PTPRD: variants seen among roughly 807,000 people sequenced by gnomAD.
PTPRD encodes the protein protein tyrosine phosphatase receptor type D, also known as receptor-type tyrosine-protein phosphatase delta.
PTPRD carries 34 observed loss-of-function variants against 214.5 expected under a neutral mutation model. The observed-to-expected ratio is 0.16, with a 90% CI of 0.12 to 0.21. The LOEUF (loss-of-function observed/expected upper bound fraction) is 0.21. Ranked by LOEUF, PTPRD falls within the 10% of genes least tolerant of loss-of-function variation. The pLI is 1.00. For synonymous variants in PTPRD, 1,128 were observed against 845.7 expected (o/e 1.33, Z -5.79); for missense variants, 2,545 against 2,398.7 (o/e 1.06, Z -1.27).
intron 5 of PTPRD, among the ~76,000 whole-genome samples, chr9:9,917,611 G>T (rs1045721758): frequency 1.3e-5 from 2 of 151,838 alleles, no homozygotes; most frequent in Non-Finnish European, 2.9e-5. Flanking sequence ...ACCATAATAT[G>T]AAAAGCAGAC....
intron 11 of PTPRD, among the ~76,000 whole-genome samples, chr9:8,990,938 G>C (rs573489349): frequency 6.6e-6 from 1 of 152,184 alleles, no homozygotes; most frequent in African/African-American, 2.4e-5. Context: ...TGATAGGCCA[G>C]GCACAGTGGC....
rs962741987 is a variant in PTPRD, at chr9:10,090,550, A to ATTTT, written c.-544-56764_-544-56761dup. Among the ~76,000 whole-genome samples, 5 of 150,936 alleles carry ATTTT rather than the reference A, an allele frequency of 3.3e-5. No individual in the cohort carries two copies. The South Asian group carries it at 1.0e-3, about 31-fold the overall frequency. Reference sequence around the variant, plus strand: ...AGTCAAATATTTTCATTTGATACATATTTTTAATGTATTTTAATGTATTTT... The same window carrying ATTTT: ...AGTCAAATATTTTCATTTGATACATATTTTTTTTTAATGTATTTTAATGTATTTT... On this transcript the variant is annotated intron_variant, in intron 3 of 45. Coordinates refer to ENST00000381196, the MANE Select transcript of PTPRD (RefSeq NM_002839.4).
In PTPRD at chr9:9,807,107, T is replaced by C. The variant is rs535005284; in HGVS notation, c.-367-40256A>G. ...TCTTTTTGTTTCTGCTCTAAAATCT[T>C]TTAATAAACTTTCACTCCCGCTGCA... is the stretch of plus-strand genomic sequence containing the variant. On this transcript the variant is annotated intron_variant, in intron 5 of 45. Coordinates refer to ENST00000381196, the MANE Select transcript of PTPRD (RefSeq NM_002839.4). Among the ~76,000 whole-genome samples the C allele has an allele frequency of 6.6e-5, 10 of 152,270 alleles. No homozygotes were observed. In the South Asian group the frequency reaches 1.9e-3, roughly 28 times the overall value.
chr9:9,533,340 A>G (rs1354686193), intron 8 of PTPRD, among the ~76,000 whole-genome samples: 1 of 152,062 alleles, frequency 6.6e-6, no homozygotes, highest in African/African-American at 2.4e-5. Context: ...TTCATTGTCA[A>G]ACAATATGCC....
intron 12 of PTPRD, among the ~76,000 whole-genome samples, chr9:8,682,809 A>C (rs1431835911): frequency 6.6e-6 from 1 of 152,214 alleles, no homozygotes. Flanking sequence ...TATAAAACAG[A>C]TATTCACTAT....
intron 37 of PTPRD, among the ~76,000 whole-genome samples, chr9:8,385,191 T>C (rs1372145144): frequency 1.3e-5 from 2 of 152,138 alleles, no homozygotes; most frequent in African/African-American, 4.8e-5. Context: ...AAGGTATTAA[T>C]ACAAGCGCTG....
chr9:9,942,813 T>C (rs2091828241), intron 4 of PTPRD, among the ~76,000 whole-genome samples: 1 of 152,174 alleles, frequency 6.6e-6, no homozygotes, highest in South Asian at 2.1e-4. Context: ...CAAGTTGCAA[T>C]TTATAACATT....
intron 2 of PTPRD, among the ~76,000 whole-genome samples, chr9:10,554,903 G>A (rs181718934): frequency 2.0e-5 from 3 of 152,156 alleles, no homozygotes; most frequent in Admixed American, 6.5e-5. Flanking sequence ...CTCGTGATCC[G>A]CCCACCTGGG....
intron 9 of PTPRD, among the ~76,000 whole-genome samples, chr9:9,254,294 T>C (rs533485268): frequency 3.3e-5 from 5 of 152,078 alleles, no homozygotes; most frequent in African/African-American, 4.8e-5. Context: ...AGTCTATATA[T>C]TTTCTATTTC....
intron 2 of PTPRD, among the ~76,000 whole-genome samples, chr9:10,373,945 A>T (rs531852853): frequency 8.5e-5 from 13 of 152,182 alleles, no homozygotes; most frequent in African/African-American, 3.1e-4. Flanking sequence ...TTGAGTTCAC[A>T]TCAATCACAG....
At chr9:8,363,093 G>A (rs2078909943) in intron 39 of PTPRD, among the ~76,000 whole-genome samples, 1 of 152,152 alleles carries the variant, frequency 6.6e-6, no homozygotes, top group African/African-American at 2.4e-5. Flanking sequence ...GATTATATCT[G>A]GAGACCATTC....
intron 5 of PTPRD, among the ~76,000 whole-genome samples, chr9:9,806,998 C>A (rs1190070783): frequency 2.0e-5 from 3 of 152,110 alleles, no homozygotes; most frequent in African/African-American, 7.2e-5. Flanking sequence ...AGAACAAAGA[C>A]AATATGTAAA....
chr9:8,780,696 C>T (rs2095659924), intron 11 of PTPRD, among the ~76,000 whole-genome samples: 1 of 152,170 alleles, frequency 6.6e-6, no homozygotes, highest in South Asian at 2.1e-4. Context: ...CTCATGTGAA[C>T]ATGAATTATC....
At chr9:8,755,491 T>A in intron 11 of PTPRD, among the ~76,000 whole-genome samples, 1 of 146,886 alleles carries the variant, frequency 6.8e-6, no homozygotes. Context: ...GACACACCAC[T>A]GCACTCCAGC....
At chr9:10,384,677 C>T (rs186345970) in intron 2 of PTPRD, among the ~76,000 whole-genome samples, 1 of 150,582 alleles carries the variant, frequency 6.6e-6, no homozygotes, top group Non-Finnish European at 1.5e-5. Flanking sequence ...GAAATAAGAA[C>T]GTTTGTCAAA....
chr9:9,675,793 C>T (rs1297935209), intron 7 of PTPRD, among the ~76,000 whole-genome samples: 1 of 151,918 alleles, frequency 6.6e-6, no homozygotes, highest in Non-Finnish European at 1.5e-5. Context: ...CCAATTCATT[C>T]AGTAAAATCA....
chr9:8,779,667 T>C (rs939642974), intron 11 of PTPRD, among the ~76,000 whole-genome samples: 2 of 152,172 alleles, frequency 1.3e-5, no homozygotes, highest in Admixed American at 1.3e-4. Context: ...CATTTCAAGC[T>C]TTCCTTTTAA....
chr9:10,060,856 TCTTC>T (rs1264195311), intron 3 of PTPRD, among the ~76,000 whole-genome samples: 3 of 116,034 alleles, frequency 2.6e-5, no homozygotes, highest in Non-Finnish European at 4.7e-5. Context: ...TTCCTTTCTT[TCTTC>T]CTTCCTTCTT....
At chr9:10,112,747 A>C (rs1335395259) in intron 3 of PTPRD, among the ~76,000 whole-genome samples, 1 of 152,236 alleles carries the variant, frequency 6.6e-6, no homozygotes, top group Non-Finnish European at 1.5e-5. Flanking sequence ...CCAGAAGATA[A>C]TTCATTTGCT....
Sources: allele counts gnomAD v4.1 joint callset (sites outside exome capture counted in the v4.1 genomes callset), GRCh38; gene constraint gnomAD v4.1.1; transcripts MANE v1.5; gene names NCBI Gene and HGNC (gene_info 2026-07-23, HGNC 2026-07-21).